Variants in TNNI3K observed in about 807,000 individuals in gnomAD.
TNNI3K encodes serine/threonine-protein kinase TNNI3K.
TNNI3K carries 140 observed loss-of-function variants against 114.5 expected under a neutral mutation model. The ratio of observed to expected loss-of-function variants is 1.22; its 90% CI spans 1.07 to 1.41. TNNI3K has a LOEUF of 1.41. Ranked by LOEUF, TNNI3K falls within the 40% of genes most tolerant of loss-of-function variation. The probability of loss-of-function intolerance (pLI) is 0.00; values close to 1 mark genes in which losing one functional copy is unlikely to be tolerated. For synonymous variants in TNNI3K, 347 were observed against 347.5 expected, an observed-to-expected ratio of 1.00 and a Z score of 0.02; for missense variants, 1,125 against 1,007.6, an observed-to-expected ratio of 1.12 and a Z score of -1.58.
At chr1:74,535,454 A>G (rs1338028003) in intron 23 of TNNI3K, among the ~76,000 whole-genome samples, 2 of 152,146 alleles carry the variant, frequency 1.3e-5, no homozygotes, top group East Asian at 3.9e-4. Flanking sequence ...TGGGTGACTG[A>G]GAGGGACCGT....
At chr1:74,462,547 T>G (rs143257139) in intron 20 of TNNI3K, among the ~76,000 whole-genome samples, 1 of 152,310 alleles carries the variant, frequency 6.6e-6, no homozygotes, top group African/African-American at 2.4e-5. Flanking sequence ...TGTAAAATGT[T>G]TATAAATTAA....
At chr1:74,522,492 C>T (rs982991720) in intron 23 of TNNI3K, among the ~76,000 whole-genome samples, 5 of 152,070 alleles carry the variant, frequency 3.3e-5, no homozygotes, top group Admixed American at 3.3e-4. Flanking sequence ...GTACGAGTTG[C>T]ATGACTAATT....
intron 7 of TNNI3K, among the ~76,000 whole-genome samples, chr1:74,337,339 A>C (rs895512844): frequency 3.3e-5 from 5 of 151,160 alleles, no homozygotes; most frequent in Admixed American, 6.6e-5. Context: ...TGCTGTGCAG[A>C]AGCTCTTTAG....
intron 17 of TNNI3K, chr1:74,416,232 A>T (rs1000411106): frequency 1.0e-6 from 1 of 953,832 alleles, no homozygotes; most frequent in African/African-American, 1.8e-5. Context: ...TGAGGAGTTT[A>T]AAAAGCAGAG....
chr1:74,296,538 C>A (rs1018872397), intron 5 of TNNI3K, among the ~76,000 whole-genome samples: 1 of 151,882 alleles, frequency 6.6e-6, no homozygotes, highest in Admixed American at 6.6e-5. Flanking sequence ...GTCTGTTATT[C>A]TCTCTGGAGT....
chr1:74,382,099 G>A (rs1570550950), intron 17 of TNNI3K, among the ~76,000 whole-genome samples: 1 of 152,178 alleles, frequency 6.6e-6, no homozygotes, highest in Non-Finnish European at 1.5e-5. Context: ...TTCAAAATTA[G>A]CATTGAGAAA....
intron 5 of TNNI3K, among the ~76,000 whole-genome samples, chr1:74,322,036 C>G (rs190452559): frequency 6.6e-6 from 1 of 152,022 alleles, no homozygotes; most frequent in Non-Finnish European, 1.5e-5. Context: ...CAAAAAAGGG[C>G]GTGGTAACTC....
intron 5 of TNNI3K, among the ~76,000 whole-genome samples, chr1:74,287,170 CA>C (rs778807498): frequency 6.6e-5 from 10 of 151,724 alleles, no homozygotes; most frequent in Admixed American, 4.6e-4. Flanking sequence ...CTCAGATAAA[CA>C]AAAAGGAGAA....
At chr1:74,329,186 T>A (rs1250719070) in intron 5 of TNNI3K, among the ~76,000 whole-genome samples, 1 of 152,122 alleles carries the variant, frequency 6.6e-6, no homozygotes, top group Non-Finnish European at 1.5e-5. Flanking sequence ...GAATTTCACT[T>A]CTGCTCCCCA....
At chr1:74,445,005 C>A (rs565216385) in intron 20 of TNNI3K, among the ~76,000 whole-genome samples, 3 of 152,224 alleles carry the variant, frequency 2.0e-5, no homozygotes, top group East Asian at 3.9e-4. Flanking sequence ...AGCTGGACCC[C>A]TTCCTTATAT....
chr1:74,432,204 G>A (rs1313849474), intron 17 of TNNI3K, among the ~76,000 whole-genome samples: 1 of 152,104 alleles, frequency 6.6e-6, no homozygotes, highest in Non-Finnish European at 1.5e-5. Flanking sequence ...TCAACTGCAG[G>A]TTTGCTTATC....
In TNNI3K at chr1:74,369,430, T is replaced by A; in HGVS notation, c.1512T>A (p.Asp504Glu). ...CCTACTGCTCCAAGTCAGATGTGGATATGTTTTGCCGAGAGGTGTCCATTC... is the reference window on the plus strand; with the variant it reads ...CCTACTGCTCCAAGTCAGATGTGGAAATGTTTTGCCGAGAGGTGTCCATTC... ...ANTYCSKSDV[D>E]MFCREVSILC... Residue 504 changes from aspartate to glutamate, a missense_variant, in exon 16 of 25, where the codon GAT becomes GAA. By Grantham distance (45) the Asp-to-Glu change is conservative (BLOSUM62 2). Coordinates refer to ENST00000326637, the MANE Select transcript of TNNI3K (RefSeq NM_015978.3). 1 of 1,612,130 alleles carries A rather than the reference T, an allele frequency of 6.2e-7. No homozygotes were observed. The highest frequency in any genetic ancestry group is 8.5e-7 in the Non-Finnish European group (1 of 1,179,012).
intron 23 of TNNI3K, among the ~76,000 whole-genome samples, chr1:74,492,945 C>A (rs1669152981): frequency 6.6e-6 from 1 of 152,156 alleles, no homozygotes; most frequent in Non-Finnish European, 1.5e-5. Context: ...AGAAATCCAC[C>A]TTTTTTTCTC....
At chr1:74,351,430 T>C (rs549001701) in intron 9 of TNNI3K, among the ~76,000 whole-genome samples, 1 of 151,934 alleles carries the variant, frequency 6.6e-6, no homozygotes, top group Non-Finnish European at 1.5e-5. Context: ...TTGGTGAATC[T>C]GACAATTATG....
At chr1:74,508,916 A>T (rs956046987) in intron 23 of TNNI3K, among the ~76,000 whole-genome samples, 3 of 152,220 alleles carry the variant, frequency 2.0e-5, no homozygotes, top group African/African-American at 7.2e-5. Flanking sequence ...CAGAAAATTC[A>T]TATAAAACAC....
chr1:74,309,425 AAGG>A (rs1208526834), intron 5 of TNNI3K, among the ~76,000 whole-genome samples: 21 of 150,520 alleles, frequency 1.4e-4, no homozygotes, highest in Admixed American at 7.3e-4. Flanking sequence ...CAAAAAAATC[AAGG>A]AGGAGTAATT....
In TNNI3K at chr1:74,358,878, TA is replaced by T. The variant is rs769801906; in HGVS notation, c.1177+4753del. 6.6e-5 allele frequency among the ~76,000 whole-genome samples: 10 copies of T among 151,990 alleles called. No individual in the cohort carries two copies. The East Asian group carries it at 1.2e-3, about 18-fold the overall frequency. On this transcript the variant is annotated intron_variant, in intron 11 of 24. Coordinates refer to ENST00000326637, the MANE Select transcript of TNNI3K (RefSeq NM_015978.3). ...ATAATAACGTAAGAATTCACATACTTAAAATGGATAGTAAAAGAGAACTTAC... is the reference window on the plus strand; with the variant it reads ...ATAATAACGTAAGAATTCACATACTTAAATGGATAGTAAAAGAGAACTTAC...
chr1:74,517,624 A>C lies in TNNI3K; in HGVS notation c.2352-22610A>C, dbSNP rs1188916536. On this transcript the variant is annotated intron_variant, in intron 23 of 24. Coordinates refer to ENST00000326637, the MANE Select transcript of TNNI3K (RefSeq NM_015978.3). ...CATTATGTATAATCTGCTATGTCCA[A>C]CTCACAGTGGCAACCTCAATTAGGT... Among the ~76,000 whole-genome samples the C allele has an allele frequency of 3.3e-5, 5 of 152,168 alleles. No individual in the cohort carries two copies. In the East Asian group the frequency reaches 9.6e-4, roughly 29 times the overall value.
intron 23 of TNNI3K, among the ~76,000 whole-genome samples, chr1:74,506,966 G>C (rs1669936908): frequency 6.6e-6 from 1 of 151,998 alleles, no homozygotes; most frequent in Non-Finnish European, 1.5e-5. Context: ...TTGAGGGGGA[G>C]AGCCATTCAT....
Sources: allele counts gnomAD v4.1 joint callset (sites outside exome capture counted in the v4.1 genomes callset), GRCh38; gene constraint gnomAD v4.1.1; transcripts MANE v1.5; gene names NCBI Gene and HGNC (gene_info 2026-07-23, HGNC 2026-07-21).